The following PPP4R3B variants were observed in gnomAD, a reference collection of about 807,000 sequenced individuals.
The protein encoded by PPP4R3B is protein phosphatase 4 regulatory subunit 3B, also known as serine/threonine-protein phosphatase 4 regulatory subunit 3B.
A neutral mutation model predicts 95.4 loss-of-function variants in PPP4R3B; 52 were observed. That is an observed-to-expected ratio of 0.54 (90% CI 0.44 to 0.69). The LOEUF is 0.69. PPP4R3B is among the 30% of genes least tolerant of loss of function. The probability of loss-of-function intolerance (pLI) is 0.00; values close to 1 mark genes in which losing one functional copy is unlikely to be tolerated. For synonymous variants in PPP4R3B, 407 were observed against 343.9 expected (o/e 1.18, Z -2.03); for missense variants, 1,003 against 1,005.9 (o/e 1.00, Z 0.04).
intron 2 of PPP4R3B, among the ~76,000 whole-genome samples, chr2:55,606,582 G>A (rs1270311197): frequency 6.6e-6 from 1 of 151,964 alleles, no homozygotes; most frequent in Middle Eastern, 3.2e-3. Flanking sequence ...AGCACTTTGG[G>A]AGGCCGAGGC....
chr2:55,578,921 G>GTAGTATGTCA (rs1689063613), intron 9 of PPP4R3B, among the ~76,000 whole-genome samples: 1 of 152,038 alleles, frequency 6.6e-6, no homozygotes, highest in African/African-American at 2.4e-5. Context: ...ATGTTAGTAT[G>GTAGTATGTCA]TAGTATGGTC....
chr2:55,567,243 G>C (rs1250883030), intron 13 of PPP4R3B, among the ~76,000 whole-genome samples: 2 of 152,140 alleles, frequency 1.3e-5, no homozygotes, highest in Non-Finnish European at 2.9e-5. Flanking sequence ...GGTCCTGATT[G>C]TGCTACTATC....
intron 2 of PPP4R3B, among the ~76,000 whole-genome samples, chr2:55,606,479 G>A (rs1693408218): frequency 6.6e-6 from 1 of 151,964 alleles, no homozygotes; most frequent in Admixed American, 6.6e-5. Context: ...GAGGCCAGGA[G>A]TTTGAGACCA....
intron 12 of PPP4R3B, among the ~76,000 whole-genome samples, chr2:55,569,925 A>G (rs1383759355): frequency 1.3e-5 from 2 of 152,154 alleles, no homozygotes; most frequent in Non-Finnish European, 2.9e-5. Flanking sequence ...CCAATCACAT[A>G]AAGGAGATCT....
At chr2:55,610,635 T>C (rs1694033309) in intron 2 of PPP4R3B, among the ~76,000 whole-genome samples, 1 of 152,226 alleles carries the variant, frequency 6.6e-6, no homozygotes, top group South Asian at 2.1e-4. Flanking sequence ...ATACCTGCTG[T>C]ATAATCTCAG....
In PPP4R3B at chr2:55,598,668, C is replaced by T. The variant is rs780612481; in HGVS notation, c.669G>A (p.Val223=). ...AAGCAGGGTCATATTCAAGGCATCC[C>T]ACGACATCCATGATACACTCATCAG... ...MFSDECIMDV[V]GCLEYDPALA... Residue 223 remains valine, a synonymous_variant, in exon 4 of 17, where the codon GTG becomes GTA. Transcript: ENST00000616407. The T allele has an allele frequency of 1.9e-6, 3 of 1,614,140 alleles. No individual in the cohort carries two copies. The highest frequency in any genetic ancestry group is 4.5e-5 in the East Asian group (2 of 44,878).
chr2:55,579,851 C>T (rs992046122), intron 8 of PPP4R3B, 70 bp from the exon 9 acceptor site: 1 of 922,302 alleles, frequency 1.1e-6, no homozygotes, highest in Non-Finnish European at 1.6e-6. Flanking sequence ...ATTAGCAGTA[C>T]ATACCTTTTC....
chr2:55,610,574 C>T (rs1420990413), intron 2 of PPP4R3B, among the ~76,000 whole-genome samples: 1 of 152,012 alleles, frequency 6.6e-6, no homozygotes, highest in Non-Finnish European at 1.5e-5. Flanking sequence ...TTTTCTACTG[C>T]TCTAAGTCTG....
intron 3 of PPP4R3B, among the ~76,000 whole-genome samples, chr2:55,602,854 T>C (rs548892770): frequency 2.0e-5 from 3 of 152,186 alleles, no homozygotes; most frequent in Non-Finnish European, 2.9e-5. Context: ...TCTGTGAGTC[T>C]TTCCAGTGAA....
intron 2 of PPP4R3B, among the ~76,000 whole-genome samples, chr2:55,613,016 T>C (rs191767390): frequency 9.2e-5 from 14 of 151,680 alleles, no homozygotes; most frequent in African/African-American, 2.2e-4. Flanking sequence ...AAGGCTGAAA[T>C]TGGAGGATCG....
chr2:55,558,071 C>T (rs1422347302), intron 16 of PPP4R3B, among the ~76,000 whole-genome samples: 1 of 152,076 alleles, frequency 6.6e-6, no homozygotes, highest in Non-Finnish European at 1.5e-5. Flanking sequence ...GTCTCCCCTA[C>T]CTAACTGGCA....
chr2:55,586,004 T>C (rs906494012), intron 6 of PPP4R3B, among the ~76,000 whole-genome samples: 8 of 151,748 alleles, frequency 5.3e-5, no homozygotes, highest in African/African-American at 1.9e-4. Context: ...ACACCTTCTA[T>C]AAAGCAAGGT....
intron 3 of PPP4R3B, among the ~76,000 whole-genome samples, chr2:55,599,858 A>C (rs576391654): frequency 6.6e-6 from 1 of 152,264 alleles, no homozygotes; most frequent in African/African-American, 2.4e-5. Flanking sequence ...TCAGTACTCA[A>C]CTTCCTCTAA....
At chr2:55,578,435 G>C (rs998617200) in intron 9 of PPP4R3B, 93 bp from the exon 10 acceptor site, 18 of 1,137,350 alleles carry the variant, frequency 1.6e-5, no homozygotes, top group Non-Finnish European at 1.9e-5. Context: ...CTGTAAGCTG[G>C]AAGTGTTTTA....
chr2:55,573,977 C>T (rs545311366), intron 11 of PPP4R3B, among the ~76,000 whole-genome samples, 200 bp from the exon 12 acceptor site: 7 of 149,138 alleles, frequency 4.7e-5, no homozygotes, highest in Admixed American at 1.4e-4. Context: ...CAGCTTCCAC[C>T]TCCCAGGCTC....
intron 7 of PPP4R3B, among the ~76,000 whole-genome samples, chr2:55,582,925 A>G (rs1689626260): frequency 6.6e-6 from 1 of 152,174 alleles, no homozygotes; most frequent in South Asian, 2.1e-4. Flanking sequence ...AAATATGTGC[A>G]ATCTGTGGCA....
intron 4 of PPP4R3B, among the ~76,000 whole-genome samples, chr2:55,590,276 G>A (rs879689079): frequency 6.6e-6 from 1 of 151,908 alleles, no homozygotes; most frequent in African/African-American, 2.4e-5. Flanking sequence ...GCAGTGAGCC[G>A]AGATTGCGCC....
intron 7 of PPP4R3B, 34 bp from the exon 8 acceptor site, chr2:55,581,732 TC>T (rs773487971): frequency 7.5e-6 from 12 of 1,602,266 alleles, no homozygotes; most frequent in African/African-American, 1.3e-5. Context: ...AAAACATGTT[TC>T]CATTAGACCT....
chr2:55,549,886 T>TG lies in PPP4R3B; in HGVS notation c.*24dup. 6.5e-7 allele frequency: 1 copy of TG among 1,537,818 alleles called. No homozygotes were observed. Among genetic ancestry groups the TG allele is most frequent in the Non-Finnish European group, 9.0e-7 (1 of 1,110,598 alleles). On this transcript the variant is annotated 3_prime_UTR_variant, in exon 17 of 17. Coordinates refer to ENST00000616407, the MANE Select transcript of PPP4R3B (RefSeq NM_001122964.3). ...ACAGTTGCAGCATTGTAAGACCACA[T>TG]GTTGAGGGTCCCCTAATAAATATTT... is the stretch of plus-strand genomic sequence containing the variant.
Sources: gnomAD v4.1 joint callset for allele counts (sites outside exome capture counted in the v4.1 genomes callset) on GRCh38, gnomAD v4.1.1 for gene constraint, MANE v1.5 for transcripts, NCBI Gene and HGNC (gene_info 2026-07-23, HGNC 2026-07-21) for gene names.